SLC39A11: variants seen among roughly 807,000 people sequenced by gnomAD.
SLC39A11 encodes the protein solute carrier family 39 member 11.
A neutral mutation model predicts 36.1 loss-of-function variants in SLC39A11; 33 were observed. That is an observed-to-expected ratio of 0.91 (90% CI 0.69 to 1.22). The LOEUF is 1.22. SLC39A11 is among the 50% of genes most tolerant of loss of function. The pLI is 0.00. For missense variants in SLC39A11, 432 were observed against 430.3 expected (o/e 1.00, Z -0.03); for synonymous variants, 166 against 170.3 (o/e 0.97, Z 0.20).
chr17:72,715,416 G>A (rs1359605238), intron 7 of SLC39A11, among the ~76,000 whole-genome samples: 1 of 152,168 alleles, frequency 6.6e-6, no homozygotes, highest in Non-Finnish European at 1.5e-5. Flanking sequence ...ATGGACAGAC[G>A]AATGAACAAA....
At chr17:72,889,730 T>G (rs150016276) in intron 5 of SLC39A11, among the ~76,000 whole-genome samples, 1 of 152,340 alleles carries the variant, frequency 6.6e-6, no homozygotes, top group East Asian at 1.9e-4. Context: ...TGTTGCATAA[T>G]CTGCATGATA....
chr17:72,776,418 A>G (rs538506426), intron 6 of SLC39A11, among the ~76,000 whole-genome samples: 14 of 152,298 alleles, frequency 9.2e-5, no homozygotes, highest in African/African-American at 2.4e-4. Flanking sequence ...ATTTTTTGCA[A>G]TGCTTGACTT....
intron 4 of SLC39A11, among the ~76,000 whole-genome samples, chr17:72,990,421 T>TTC (rs1265077255): frequency 6.6e-6 from 1 of 152,198 alleles, no homozygotes; most frequent in African/African-American, 2.4e-5. Context: ...AGGATTTTTT[T>TTC]TCTCTCTCTT....
At chr17:72,958,427 G>T (rs2086383295) in intron 4 of SLC39A11, among the ~76,000 whole-genome samples, 1 of 152,210 alleles carries the variant, frequency 6.6e-6, no homozygotes, top group East Asian at 1.9e-4. Context: ...CCCACAAAGT[G>T]GGAGAAAATC....
intron 5 of SLC39A11, among the ~76,000 whole-genome samples, chr17:72,945,816 C>G (rs965223327): frequency 6.6e-6 from 1 of 152,182 alleles, no homozygotes; most frequent in Non-Finnish European, 1.5e-5. Context: ...CTCCCCTGAC[C>G]CCGTCCCGGC....
Position 73,024,169 on chromosome 17 carries a change from C to A in SLC39A11, c.306+7387G>T, listed in dbSNP as rs1427741889. Among the ~76,000 whole-genome samples, 6 of 152,358 alleles carry A rather than the reference C, an allele frequency of 3.9e-5. 1 individual carries two copies. The highest frequency in any genetic ancestry group is 3.3e-4 in the Admixed American group (5 of 15,306). ...GGGGCTGCCCAATCCACCCAACATG[C>A]CACCCTCTTCAGATGGCACAACTGT... is the stretch of plus-strand genomic sequence containing the variant. On this transcript the variant is annotated intron_variant, in intron 4 of 9. Transcript: ENST00000255559.
intron 4 of SLC39A11, among the ~76,000 whole-genome samples, chr17:72,952,520 C>A (rs2085939295): frequency 6.6e-6 from 1 of 152,204 alleles, no homozygotes; most frequent in Non-Finnish European, 1.5e-5. Flanking sequence ...GGCATGGGGA[C>A]TGCAGGTTGA....
chr17:73,047,214 TGG>T (rs2059327224), intron 3 of SLC39A11, among the ~76,000 whole-genome samples: 1 of 151,490 alleles, frequency 6.6e-6, no homozygotes, highest in African/African-American at 2.4e-5. Flanking sequence ...TTAGCACAGA[TGG>T]GGTTGCACCG....
At chr17:72,956,281 A>T (rs865958970) in intron 4 of SLC39A11, among the ~76,000 whole-genome samples, 4 of 152,320 alleles carry the variant, frequency 2.6e-5, no homozygotes, top group Non-Finnish European at 4.4e-5. Flanking sequence ...CCTAGTCCTG[A>T]TGCCAAAGTT....
chr17:73,012,131 C>T (rs1161680991), intron 4 of SLC39A11, among the ~76,000 whole-genome samples: 3 of 151,640 alleles, frequency 2.0e-5, no homozygotes, highest in African/African-American at 7.3e-5. Context: ...GAAAAACTAG[C>T]CGGGCGTGGT....
chr17:73,047,487 A>G (rs62073125), intron 3 of SLC39A11, among the ~76,000 whole-genome samples: 17,435 of 152,144 alleles, frequency 0.11, 1,162 homozygotes, highest in Non-Finnish European at 0.16. Context: ...TAAATAAAAT[A>G]ACATTTACAT....
intron 5 of SLC39A11, among the ~76,000 whole-genome samples, chr17:72,871,187 G>A (rs1340661123): frequency 3.3e-5 from 5 of 151,110 alleles, no homozygotes; most frequent in South Asian, 2.1e-4. Context: ...TCAGCCTCCC[G>A]AGTAGCTGGG....
At chr17:72,737,191 A>G (rs184348205) in intron 6 of SLC39A11, among the ~76,000 whole-genome samples, 95 of 152,144 alleles carry the variant, frequency 6.2e-4, no homozygotes, top group Admixed American at 1.6e-3. Flanking sequence ...CAGGAGAATC[A>G]CTTGAACACA....
At chr17:72,656,021 T>C (rs1403241884) in intron 7 of SLC39A11, among the ~76,000 whole-genome samples, 1 of 152,134 alleles carries the variant, frequency 6.6e-6, no homozygotes, top group Non-Finnish European at 1.5e-5. Context: ...CTGCAAGGCC[T>C]TCAGTCTAAC....
intron 6 of SLC39A11, among the ~76,000 whole-genome samples, chr17:72,834,631 A>AAAAAT (rs1282447805): frequency 1.1e-5 from 1 of 92,982 alleles, no homozygotes; most frequent in Non-Finnish European, 2.6e-5. Context: ...CCATAAACAA[A>AAAAAT]ACAATAAAAT....
intron 5 of SLC39A11, among the ~76,000 whole-genome samples, chr17:72,866,621 GA>G (rs904608169): frequency 2.0e-5 from 3 of 151,184 alleles, no homozygotes; most frequent in Admixed American, 1.3e-4. Context: ...AAAGACAAAT[GA>G]AAAAAAATGT....
chr17:72,660,000 C>A (rs755813767), intron 7 of SLC39A11, among the ~76,000 whole-genome samples: 3 of 152,256 alleles, frequency 2.0e-5, no homozygotes, highest in South Asian at 4.2e-4. Flanking sequence ...GGCCGGAGTG[C>A]GAAGTACCAC....
intron 6 of SLC39A11, among the ~76,000 whole-genome samples, chr17:72,790,022 A>C (rs762432642): frequency 2.6e-5 from 4 of 152,184 alleles, no homozygotes; most frequent in Non-Finnish European, 4.4e-5. Context: ...AATCCACTCA[A>C]TCCTGCAGGA....
chr17:72,653,442 T>TTTTC (rs1491197325), intron 7 of SLC39A11, among the ~76,000 whole-genome samples: 6 of 12,766 alleles, frequency 4.7e-4, no homozygotes, highest in East Asian at 5.8e-3. Context: ...TTTTCTTTTC[T>TTTTC]TTTTTTTTTT....
Sources: gnomAD v4.1 joint callset for allele counts (sites outside exome capture counted in the v4.1 genomes callset) on GRCh38, gnomAD v4.1.1 for gene constraint, MANE v1.5 for transcripts, NCBI Gene and HGNC (gene_info 2026-07-23, HGNC 2026-07-21) for gene names.